The following SMCO4 variants were observed in gnomAD, a reference collection of about 807,000 sequenced individuals.
SMCO4 encodes the protein single-pass membrane protein with coiled-coil domains 4.
A neutral mutation model predicts 3.6 loss-of-function variants in SMCO4; 4 were observed. The ratio of observed to expected loss-of-function variants is 1.11; its 90% CI spans 0.54 to 2.53. SMCO4 has a LOEUF of 2.53. SMCO4 is among the 30% of genes most tolerant of loss of function. The pLI is 0.02. For missense variants in SMCO4, 70 were observed against 80.8 expected, an observed-to-expected ratio of 0.87 and a Z score of 0.51; for synonymous variants, 36 against 35.3, an observed-to-expected ratio of 1.02 and a Z score of -0.07.
At chr11:93,480,390 T>C (rs1361647841) in intron 2 of SMCO4, among the ~76,000 whole-genome samples, 1 of 151,982 alleles carries the variant, frequency 6.6e-6, no homozygotes, top group Non-Finnish European at 1.5e-5. Flanking sequence ...GCTGGCACAG[T>C]CTCCAGATGA....
At chr11:93,546,397 A>C (rs1247672450), upstream of SMCO4, among the ~76,000 whole-genome samples, 2 of 152,178 alleles carry the variant, frequency 1.3e-5, no homozygotes, top group Non-Finnish European at 2.9e-5. Context: ...AAACGTTAGA[A>C]CTCCCTGGAA....
intron 2 of SMCO4, among the ~76,000 whole-genome samples, chr11:93,497,628 C>T (rs1360722770): frequency 1.3e-5 from 2 of 151,588 alleles, no homozygotes; most frequent in Non-Finnish European, 2.9e-5. Context: ...GCCATGGCTT[C>T]CAAAGGGGGG....
At chr11:93,550,221 A>T in the SMCO4 span, among the ~76,000 whole-genome samples, 1 of 152,212 alleles carries the variant, frequency 6.6e-6, no homozygotes, top group South Asian at 2.1e-4. Context: ...CTGCTGGCAA[A>T]TGTCAAGTTT....
chr11:93,499,550 C>T (rs187713280), intron 1 of SMCO4, among the ~76,000 whole-genome samples: 1 of 152,258 alleles, frequency 6.6e-6, no homozygotes, highest in Admixed American at 6.5e-5. Flanking sequence ...TGTGCATGTG[C>T]GTGATGGACA....
chr11:93,488,856 G>A lies in SMCO4; in HGVS notation c.-80-9587C>T, dbSNP rs147920169. Among the ~76,000 whole-genome samples the A allele has an allele frequency of 3.2e-3, 485 of 152,266 alleles. 4 individuals are homozygous for A. Among genetic ancestry groups the A allele is most frequent in the Non-Finnish European group, 4.6e-3 (310 of 68,022 alleles). On this transcript the variant is annotated intron_variant, in intron 2 of 2. Transcript: ENST00000298966. ...CCAAAGTCTAGACCTTGGGGGAGTT[G>A]AAGAGGAAGCAGGAAAAGACTGAAA... is the stretch of plus-strand genomic sequence containing the variant.
chr11:93,496,922 G>A (rs1186483347), intron 2 of SMCO4, among the ~76,000 whole-genome samples: 2 of 152,152 alleles, frequency 1.3e-5, no homozygotes, highest in African/African-American at 2.4e-5. Context: ...CTTACACTAT[G>A]GGGAGTAACC....
intron 2 of SMCO4, among the ~76,000 whole-genome samples, chr11:93,495,581 GTCTTT>G (rs1160046772): frequency 2.0e-5 from 3 of 152,182 alleles, no homozygotes; most frequent in Non-Finnish European, 4.4e-5. Context: ...TAGAATGCCA[GTCTTT>G]TCTTGTACCA....
chr11:93,526,612 G>T (rs2198797), intron 1 of SMCO4, among the ~76,000 whole-genome samples: 40 of 151,912 alleles, frequency 2.6e-4, no homozygotes, highest in Non-Finnish European at 4.0e-4. Flanking sequence ...CTTCACATCC[G>T]CATCCATCCT....
At chr11:93,499,637 T>C (rs1179481454) in intron 1 of SMCO4, among the ~76,000 whole-genome samples, 1 of 152,252 alleles carries the variant, frequency 6.6e-6, no homozygotes, top group African/African-American at 2.4e-5. Flanking sequence ...CTTTGCTTCC[T>C]GTATTCCTGG....
At chr11:93,525,012 G>A (rs946049733) in intron 1 of SMCO4, among the ~76,000 whole-genome samples, 5 of 152,162 alleles carry the variant, frequency 3.3e-5, no homozygotes, top group African/African-American at 4.8e-5. Flanking sequence ...AACACCCACA[G>A]CTGGCCTCTA....
At chr11:93,514,413 T>TATACATACAC (rs1555077562) in intron 1 of SMCO4, among the ~76,000 whole-genome samples, 1 of 33,950 alleles carries the variant, frequency 2.9e-5, no homozygotes, top group Non-Finnish European at 7.1e-5. Context: ...TATATATATA[T>TATACATACAC]ATATATATAA....
intron 1 of SMCO4, among the ~76,000 whole-genome samples, chr11:93,508,153 G>C (rs1389969135): frequency 1.3e-5 from 2 of 152,046 alleles, no homozygotes; most frequent in Admixed American, 1.3e-4. Context: ...TAATTTTTAA[G>C]AGTTACATAA....
At chr11:93,528,386 T>C (rs1420887325) in intron 1 of SMCO4, among the ~76,000 whole-genome samples, 1 of 152,214 alleles carries the variant, frequency 6.6e-6, no homozygotes, top group Non-Finnish European at 1.5e-5. Flanking sequence ...GTTGAGCAAC[T>C]GGAGACACCC....
intron 2 of SMCO4, among the ~76,000 whole-genome samples, chr11:93,482,028 A>G (rs894184769): frequency 6.6e-6 from 1 of 152,268 alleles, no homozygotes; most frequent in Non-Finnish European, 1.5e-5. Context: ...TGTAAGATGC[A>G]TTCAGAAGTT....
chr11:93,483,530 G>A (rs1948615270), intron 2 of SMCO4, among the ~76,000 whole-genome samples: 1 of 152,156 alleles, frequency 6.6e-6, no homozygotes, highest in South Asian at 2.1e-4. Context: ...TGGGGGTGGA[G>A]GGAGCACTCC....
At chr11:93,533,113 G>A (rs148584873) in intron 1 of SMCO4, among the ~76,000 whole-genome samples, 102 of 152,232 alleles carry the variant, frequency 6.7e-4, no homozygotes, top group Middle Eastern at 3.4e-3. Context: ...AGACTGAATT[G>A]GATCTTGCTC....
At chr11:93,513,140 A>G (rs1420787344) in intron 1 of SMCO4, among the ~76,000 whole-genome samples, 1 of 152,216 alleles carries the variant, frequency 6.6e-6, no homozygotes, top group Non-Finnish European at 1.5e-5. Context: ...GGGCTGGAAC[A>G]CTAATATTCT....
intron 2 of SMCO4, among the ~76,000 whole-genome samples, chr11:93,488,641 G>A (rs765893993): frequency 2.0e-5 from 3 of 152,166 alleles, no homozygotes; most frequent in Non-Finnish European, 4.4e-5. Flanking sequence ...GCAAGGGGGT[G>A]TGAGGCGGGT....
At chr11:93,529,843 T>G (rs895602303) in intron 1 of SMCO4, among the ~76,000 whole-genome samples, 1 of 152,218 alleles carries the variant, frequency 6.6e-6, no homozygotes, top group African/African-American at 2.4e-5. Flanking sequence ...AATACTCAGA[T>G]TGCAGGCTGA....
Sources: allele counts gnomAD v4.1 joint callset (sites outside exome capture counted in the v4.1 genomes callset), GRCh38; gene constraint gnomAD v4.1.1; transcripts MANE v1.5; gene names NCBI Gene and HGNC (gene_info 2026-07-23, HGNC 2026-07-21).